The following SNTG1 variants were observed in gnomAD, a reference collection of about 807,000 sequenced individuals.
SNTG1 encodes the protein syntrophin gamma 1.
A neutral mutation model predicts 74.7 loss-of-function variants in SNTG1; 39 were observed. That is an observed-to-expected ratio of 0.52 (90% confidence interval 0.40 to 0.68). The LOEUF is 0.68. Among genes scored for constraint, SNTG1 ranks in the 30% least tolerant of loss-of-function variants. The pLI is 0.00. For missense variants in SNTG1, 685 were observed against 609.5 expected (o/e 1.12, Z -1.30); for synonymous variants, 254 against 217.1 (o/e 1.17, Z -1.49).
At position 50,656,936 on chromosome 8, in the gene SNTG1, C is replaced by T. The variant is rs756171166; in HGVS notation, c.877C>T (p.Arg293Trp). Residue 293 changes from arginine to tryptophan, a missense_variant, in exon 14 of 19, where the codon CGG (arginine) becomes TGG (tryptophan). By Grantham distance (101) the Arg-to-Trp change is moderately radical. Transcript: ENST00000642720. ...QIVYMGWCEA[R>W]EQDPLQDRVY... ...TGTCTACATGGGCTGGTGTGAAGCC[C>T]GGGAGCAAGACCCCCTCCAGGACAG... is the stretch of plus-strand genomic sequence containing the variant. 1.2e-5 allele frequency: 20 copies of T among 1,603,662 alleles called. No homozygotes were observed. The highest frequency in any genetic ancestry group is 2.7e-5 in the African/African-American group (2 of 74,412).
chr8:50,172,239 A>G (rs2082832705), intron 1 of SNTG1, among the ~76,000 whole-genome samples: 1 of 152,206 alleles, frequency 6.6e-6, no homozygotes, highest in South Asian at 2.1e-4. Flanking sequence ...CTAAATTTAG[A>G]TCCAAGTGCT....
intron 12 of SNTG1, among the ~76,000 whole-genome samples, chr8:50,565,023 C>T (rs562928858): frequency 6.6e-6 from 1 of 152,124 alleles, no homozygotes; most frequent in African/African-American, 2.4e-5. Context: ...AATATGTACC[C>T]TTGATATGAT....
intron 1 of SNTG1, among the ~76,000 whole-genome samples, chr8:50,129,704 A>G (rs1179429310): frequency 6.6e-6 from 1 of 152,186 alleles, no homozygotes; most frequent in African/African-American, 2.4e-5. Context: ...ACAACCAAAC[A>G]TGACTTCAAT....
intron 1 of SNTG1, among the ~76,000 whole-genome samples, chr8:50,008,972 T>C (rs1284844323): frequency 6.6e-6 from 1 of 152,192 alleles, no homozygotes; most frequent in African/African-American, 2.4e-5. Flanking sequence ...TAGTTTTCAT[T>C]CTTCAATCCC....
At chr8:50,634,818 C>T (rs558648443) in intron 13 of SNTG1, among the ~76,000 whole-genome samples, 2 of 152,240 alleles carry the variant, frequency 1.3e-5, no homozygotes, top group African/African-American at 4.8e-5. Flanking sequence ...CTTCTGTTGC[C>T]TTGTATAAAC....
intron 15 of SNTG1, among the ~76,000 whole-genome samples, chr8:50,681,235 GT>G (rs146480283): frequency 0.028 from 4,192 of 152,036 alleles, 168 homozygotes; most frequent in African/African-American, 0.092. Flanking sequence ...ACATGCTTAT[GT>G]TTTTTTGATG....
intron 1 of SNTG1, among the ~76,000 whole-genome samples, chr8:49,975,767 A>ATGTGTGTGTGTG (rs139364682): frequency 6.8e-6 from 1 of 146,906 alleles, no homozygotes; most frequent in African/African-American, 2.5e-5. Flanking sequence ...ATATATATAT[A>ATGTGTGTGTGTG]TATGTGTGTG....
intron 17 of SNTG1, among the ~76,000 whole-genome samples, chr8:50,729,668 G>A (rs1354439128): frequency 1.3e-5 from 2 of 152,130 alleles, no homozygotes; most frequent in African/African-American, 2.4e-5. Context: ...AGTATTCACG[G>A]CAGAGAAATA....
chr8:50,611,160 A>C (rs906216844), intron 13 of SNTG1, among the ~76,000 whole-genome samples: 11 of 152,190 alleles, frequency 7.2e-5, no homozygotes, highest in African/African-American at 2.2e-4. Context: ...TATGTACAAG[A>C]ATGCCTGAGA....
At chr8:50,233,059 ATTG>A (rs903429331) in intron 2 of SNTG1, among the ~76,000 whole-genome samples, 17 of 151,720 alleles carry the variant, frequency 1.1e-4, no homozygotes, top group African/African-American at 4.1e-4. Flanking sequence ...TATAGACGTT[ATTG>A]TTGTAAAATT....
intron 1 of SNTG1, among the ~76,000 whole-genome samples, chr8:50,070,178 G>A (rs1174548936): frequency 6.6e-6 from 1 of 152,086 alleles, no homozygotes; most frequent in Non-Finnish European, 1.5e-5. Flanking sequence ...AGAAGAACAT[G>A]TTCACTGGGG....
chr8:49,968,171 G>A (rs1671194589), intron 1 of SNTG1, among the ~76,000 whole-genome samples: 2 of 152,106 alleles, frequency 1.3e-5, no homozygotes, highest in Admixed American at 1.3e-4. Flanking sequence ...AAGGAAAAAT[G>A]TATTTTGTTC....
intron 2 of SNTG1, among the ~76,000 whole-genome samples, chr8:50,221,261 T>A (rs1465090618): frequency 6.6e-6 from 1 of 152,028 alleles, no homozygotes. Flanking sequence ...ATGTATAGCC[T>A]TTAATGTAAT....
chr8:50,214,967 C>T (rs987547550), intron 2 of SNTG1, among the ~76,000 whole-genome samples: 4 of 152,140 alleles, frequency 2.6e-5, no homozygotes, highest in Admixed American at 1.3e-4. Context: ...TTTAGTGGCA[C>T]GTCCAGTGGC....
At chr8:50,054,718 C>T (rs112305150) in intron 1 of SNTG1, among the ~76,000 whole-genome samples, 3 of 152,094 alleles carry the variant, frequency 2.0e-5, no homozygotes, top group Non-Finnish European at 4.4e-5. Flanking sequence ...GTTCCCCAAG[C>T]TAGAGTGCAG....
intron 5 of SNTG1, among the ~76,000 whole-genome samples, chr8:50,439,716 C>CTTTTT (rs60899125): frequency 2.9e-5 from 3 of 102,102 alleles, no homozygotes; most frequent in Non-Finnish European, 6.3e-5. Flanking sequence ...TTTTGTTTTG[C>CTTTTT]TTTTTTTTTT....
In SNTG1 at chr8:50,362,504, TATAAAG is replaced by T. The variant is rs1460207324; in HGVS notation, c.-27-31704_-27-31699del. Among the ~76,000 whole-genome samples, 4 of 151,894 alleles carry T rather than the reference TATAAAG, an allele frequency of 2.6e-5. No individual in the cohort carries two copies. The South Asian group carries it at 6.2e-4, about 24-fold the overall frequency. On this transcript the variant is annotated intron_variant, in intron 2 of 18. Coordinates refer to ENST00000642720, the MANE Select transcript of SNTG1 (RefSeq NM_018967.5). Reference sequence around the variant, plus strand: ...CTCATCCACTTGTAACATGCTTCATTATAAAGATAGTCTTTTTTTTTTACTAAAAAT... The same window carrying T: ...CTCATCCACTTGTAACATGCTTCATTATAGTCTTTTTTTTTTACTAAAAAT...
intron 1 of SNTG1, among the ~76,000 whole-genome samples, chr8:50,076,036 T>G (rs1416054708): frequency 6.6e-6 from 1 of 152,162 alleles, no homozygotes; most frequent in Non-Finnish European, 1.5e-5. Flanking sequence ...TCATACAAGG[T>G]GCAAATTGAC....
chr8:50,390,832 A>G (rs1246812176), intron 2 of SNTG1, among the ~76,000 whole-genome samples: 1 of 152,166 alleles, frequency 6.6e-6, no homozygotes, highest in Non-Finnish European at 1.5e-5. Flanking sequence ...CTTTGAAGCA[A>G]TTGTGAATGG....
Sources: allele counts gnomAD v4.1 joint callset (sites outside exome capture counted in the v4.1 genomes callset), GRCh38; gene constraint gnomAD v4.1.1; transcripts MANE v1.5; gene names NCBI Gene and HGNC (gene_info 2026-07-23, HGNC 2026-07-21).